Variants in NBEAL1 observed in about 807,000 individuals in gnomAD.
NBEAL1 encodes the protein neurobeachin-like protein 1.
NBEAL1 carries 273 observed loss-of-function variants against 351.3 expected under a neutral mutation model. The ratio of observed to expected loss-of-function variants is 0.78; its 90% confidence interval spans 0.70 to 0.86. The LOEUF (loss-of-function observed/expected upper bound fraction) is 0.86. Among genes scored for constraint, NBEAL1 ranks in the 40% least tolerant of loss-of-function variants. NBEAL1 has a pLI of 0.00. For synonymous variants in NBEAL1, 1,050 were observed against 1,086.4 expected (o/e 0.97, Z 0.66); for missense variants, 2,961 against 3,201.3 (o/e 0.92, Z 1.81).
chr2:203,144,763 C>T lies in NBEAL1; in HGVS notation c.5012C>T (p.Thr1671Ile), dbSNP rs370722389. The change falls in exon 32 of 56, where the codon ACC (threonine) becomes ATC (isoleucine). Residue 1671 changes from threonine (T) to isoleucine (I), a missense_variant. Transcript: ENST00000683969. The part of the protein sequence containing the change: ...IYSFLIPLVR[T>I]LVSKIYELLF... ...TCATTTCTGATTCCCCTTGTTCGTACCCTGGTTTCCAAAATTTATGAGCTT... is the reference window on the plus strand; with the variant it reads ...TCATTTCTGATTCCCCTTGTTCGTATCCTGGTTTCCAAAATTTATGAGCTT... 6.2e-7 allele frequency: 1 copy of T among 1,614,088 alleles called. No homozygotes were observed. The highest frequency in any genetic ancestry group is 1.3e-5 in the African/African-American group (1 of 75,024).
intron 27 of NBEAL1, among the ~76,000 whole-genome samples, chr2:203,133,481 G>A (rs16839552): frequency 0.014 from 2,146 of 151,782 alleles, 16 homozygotes; most frequent in Non-Finnish European, 0.022. Flanking sequence ...TGAATCTTTT[G>A]AAACTTTCTG....
At chr2:203,156,331 AC>A (rs974475449) in intron 35 of NBEAL1, among the ~76,000 whole-genome samples, 2 of 152,158 alleles carry the variant, frequency 1.3e-5, no homozygotes, top group African/African-American at 4.8e-5. Flanking sequence ...CTCCAAACTT[AC>A]AGTAGCTTGC....
chr2:203,217,600 C>A lies in NBEAL1; in HGVS notation c.*246C>A. The A allele has an allele frequency of 9.3e-7, 1 of 1,070,420 alleles. No individual in the cohort carries two copies. The allele number at this position is 1,070,420 out of a possible 1,614,324, so 66.3% of individuals were successfully genotyped here. On this transcript the variant is annotated 3_prime_UTR_variant, in exon 56 of 56. Transcript: ENST00000683969. Reference sequence around the variant, plus strand: ...TCATTGTATCCATTTTTAAAACAAACTAAAATGAGAACATTAGGTTCAATT... The same window carrying A: ...TCATTGTATCCATTTTTAAAACAAAATAAAATGAGAACATTAGGTTCAATT...
intron 20 of NBEAL1, 64 bp from the exon 21 acceptor site, chr2:203,125,896 T>C (rs2062926952): frequency 7.5e-7 from 1 of 1,339,238 alleles, no homozygotes; most frequent in Non-Finnish European, 1.0e-6. Flanking sequence ...CATTAAGATA[T>C]AGAAAATGTG....
At position 203,122,273 on chromosome 2, in the gene NBEAL1, GT is replaced by G; in HGVS notation, c.2613del (p.Asp873IlefsTer11). On this transcript the variant is annotated frameshift_variant, in exon 19 of 56. Transcript: ENST00000683969. LOFTEE classifies it high-confidence loss of function. ...YTAKACKNSI[C>X]LDLSTNCLHG... ...TCTTAGGCCTGCAAAAATTCAATCT[GT>G]CTTGATTTATCTACTAATTGTTTGC... 1 of 1,540,680 alleles carries G rather than the reference GT, an allele frequency of 6.5e-7. No homozygotes were observed.
chr2:203,151,094 G>A (rs536581146), intron 34 of NBEAL1, among the ~76,000 whole-genome samples: 1 of 152,338 alleles, frequency 6.6e-6, no homozygotes, highest in East Asian at 1.9e-4. Flanking sequence ...CACTTTGGGA[G>A]GCCAAGGCGG....
chr2:203,163,775 A>G (rs551270938), intron 36 of NBEAL1, among the ~76,000 whole-genome samples: 49 of 152,264 alleles, frequency 3.2e-4, no homozygotes, highest in African/African-American at 1.1e-3. Flanking sequence ...ATATACCACA[A>G]TTTCTTTAAT....
intron 8 of NBEAL1, among the ~76,000 whole-genome samples, chr2:203,081,904 G>A (rs1020973246): frequency 2.0e-5 from 3 of 152,172 alleles, no homozygotes; most frequent in African/African-American, 4.8e-5. Flanking sequence ...AGTTCAAAAC[G>A]AGCCTGGGCA....
Position 203,099,005 on chromosome 2 carries a change from T to C in NBEAL1, c.1186-624T>C, listed in dbSNP as rs192225517. Among the ~76,000 whole-genome samples, 820 of 152,284 alleles carry C rather than the reference T, an allele frequency of 5.4e-3. 11 individuals are homozygous for C. Among genetic ancestry groups the C allele is most frequent in the African/African-American group, 0.019 (773 of 41,564 alleles). ...TAATAGGATTTCTGGCTGGGCATGGTGGCTCACACCTGTAATCCCAGCACT... is the reference window on the plus strand; with the variant it reads ...TAATAGGATTTCTGGCTGGGCATGGCGGCTCACACCTGTAATCCCAGCACT... On this transcript the variant is annotated intron_variant, in intron 11 of 55. Coordinates refer to ENST00000683969, the MANE Select transcript of NBEAL1 (RefSeq NM_001378026.1).
At chr2:203,071,818 A>G (rs1316782410) in intron 7 of NBEAL1, among the ~76,000 whole-genome samples, 1 of 152,236 alleles carries the variant, frequency 6.6e-6, no homozygotes, top group African/African-American at 2.4e-5. Flanking sequence ...CAGTGGAAGG[A>G]ATAAAGGGGT....
rs547108393 is a variant in NBEAL1, at chr2:203,047,854, C to T, written c.144-1960C>T. On this transcript the variant is annotated intron_variant, in intron 3 of 55. Coordinates refer to ENST00000683969, the MANE Select transcript of NBEAL1 (RefSeq NM_001378026.1). ...GAACTCTTGGGCTCAAGCGATCCTC[C>T]TGCCTTAGCCTCCAAGTAGCTGGGA... 7.9e-5 allele frequency among the ~76,000 whole-genome samples: 12 copies of T among 151,558 alleles called. No homozygotes were observed. In the South Asian group the frequency reaches 2.5e-3, roughly 32 times the overall value.
At position 203,135,901 on chromosome 2, in the gene NBEAL1, C is replaced by T. The variant is rs754915860; in HGVS notation, c.4038C>T (p.Thr1346=). 8.7e-6 allele frequency: 14 copies of T among 1,614,060 alleles called. No homozygotes were observed. Among genetic ancestry groups the T allele is most frequent in the South Asian group, 2.2e-5 (2 of 91,068 alleles). The change falls in exon 28 of 56, where the codon ACC becomes ACT. Residue 1346 remains threonine, a synonymous_variant. Transcript: ENST00000683969. ...AAAAAACAGATGAGGAAAAAATCAC[C>T]TCTTTTGCCTCAGCTAATGTGTCTT... ...SDEKTDEEKI[T]SFASANVSSD... is the part of the protein sequence containing the mutation.
intron 12 of NBEAL1, among the ~76,000 whole-genome samples, chr2:203,102,684 TGATG>T (rs2062351630): frequency 6.6e-6 from 1 of 152,252 alleles, no homozygotes; most frequent in Non-Finnish European, 1.5e-5. Context: ...ATTAGCTCTT[TGATG>T]TGCTGCTGGA....
rs547088093 is a variant in NBEAL1 at position 203,097,618 on chromosome 2, A to G, written c.1170A>G (p.Glu390=). The G allele has an allele frequency of 6.1e-6, 6 of 985,528 alleles. No homozygotes were observed. The African/African-American group carries it at 1.0e-4, about 17-fold the overall frequency. The allele number at this position is 985,528 out of a possible 1,614,324, so 61.0% of individuals were successfully genotyped here. The part of the protein sequence containing the change: ...EKDLANKLLT[E]MNEDQVFQGQ... ...ACCTTGCCAACAAATTACTGACAGA[A>G]ATGAATGAGGACCAGGTATCTACAA... Residue 390 remains glutamate, a synonymous_variant, in exon 11 of 56, where the codon GAA becomes GAG. Transcript: ENST00000683969.
chr2:203,123,513 T>C (rs1194973573), intron 19 of NBEAL1, among the ~76,000 whole-genome samples: 3 of 151,970 alleles, frequency 2.0e-5, no homozygotes, highest in Non-Finnish European at 2.9e-5. Flanking sequence ...TTGTATTTTT[T>C]AGTAGAGACA....
intron 51 of NBEAL1, among the ~76,000 whole-genome samples, chr2:203,206,975 AG>A (rs1173877213): frequency 2.1e-5 from 3 of 144,300 alleles, no homozygotes; most frequent in Non-Finnish European, 3.0e-5. Flanking sequence ...GGAAGTGAGG[AG>A]CGCCTCTTCC....
At chr2:203,141,788 G>A (rs866685377) in intron 31 of NBEAL1, among the ~76,000 whole-genome samples, 3 of 152,038 alleles carry the variant, frequency 2.0e-5, no homozygotes, top group Non-Finnish European at 4.4e-5. Context: ...TTTCCCTGAG[G>A]TTGTACACAT....
chr2:203,071,206 G>T (rs1348360508), intron 7 of NBEAL1, among the ~76,000 whole-genome samples: 1 of 152,102 alleles, frequency 6.6e-6, no homozygotes, highest in Non-Finnish European at 1.5e-5. Context: ...ACTGTAGACT[G>T]GGTGGCTTAA....
chr2:203,052,762 T>TTATTTGTA, intron 4 of NBEAL1, among the ~76,000 whole-genome samples: 1 of 110,372 alleles, frequency 9.1e-6, no homozygotes, highest in East Asian at 3.8e-4. Context: ...TTATTTGTAT[T>TTATTTGTA]TTTTGTAGAG....
Sources: gnomAD v4.1 joint callset for allele counts (sites outside exome capture counted in the v4.1 genomes callset) on GRCh38, gnomAD v4.1.1 for gene constraint, MANE v1.5 for transcripts, NCBI Gene and HGNC (gene_info 2026-07-23, HGNC 2026-07-21) for gene names.